FLT1: variants seen among roughly 807,000 people sequenced by gnomAD.
FLT1 encodes vascular endothelial growth factor receptor 1.
In FLT1, 49 loss-of-function variants were observed where a neutral mutation model predicts 156.3. The ratio of observed to expected loss-of-function variants is 0.31; its 90% CI spans 0.25 to 0.40. FLT1 has a LOEUF of 0.40. Ranked by LOEUF, FLT1 falls within the 10% of genes least tolerant of loss-of-function variation. The pLI is 1.00. For synonymous variants in FLT1, 594 were observed against 583.8 expected, an observed-to-expected ratio of 1.02 and a Z score of -0.25; for missense variants, 1,322 against 1,637.2, an observed-to-expected ratio of 0.81 and a Z score of 3.32.
intron 1 of FLT1, among the ~76,000 whole-genome samples, chr13:28,474,507 C>CACACACACAG (rs1555245769): frequency 1.3e-4 from 19 of 150,594 alleles, no homozygotes; most frequent in African/African-American, 4.5e-4. Context: ...CACACACACA[C>CACACACACAG]ACACACACAC....
intron 14 of FLT1, among the ~76,000 whole-genome samples, chr13:28,382,610 A>T (rs1874125077): frequency 6.6e-6 from 1 of 152,158 alleles, no homozygotes; most frequent in Non-Finnish European, 1.5e-5. Flanking sequence ...GAGACCACTG[A>T]AGGTGTTCAG....
chr13:28,419,873 C>T (rs1282481030), intron 10 of FLT1, among the ~76,000 whole-genome samples: 1 of 152,096 alleles, frequency 6.6e-6, no homozygotes, highest in Admixed American at 6.5e-5. Flanking sequence ...AGCAAGACTC[C>T]GTCTCAAAAC....
In FLT1 at chr13:28,453,294, T is replaced by C. The variant is rs564021624; in HGVS notation, c.388+13609A>G. 1.0e-3 allele frequency among the ~76,000 whole-genome samples: 157 copies of C among 151,760 alleles called. 2 individuals carry two copies. The highest frequency in any genetic ancestry group is 3.6e-3 in the African/African-American group (149 of 41,348). ...ATGTGCCACCACACCGGGCTAATTT[T>C]GTATTTTTAGTAGAGATGGGGTTTC... On this transcript the variant is annotated intron_variant, in intron 3 of 29. Coordinates refer to ENST00000282397, the MANE Select transcript of FLT1 (RefSeq NM_002019.4).
chr13:28,376,643 T>A (rs2137436546), intron 14 of FLT1, among the ~76,000 whole-genome samples: 1 of 152,346 alleles, frequency 6.6e-6, no homozygotes, highest in South Asian at 2.1e-4. Flanking sequence ...CCATATATTC[T>A]TGGCCAACTT....
intron 17 of FLT1, 34 bp from the exon 18 acceptor site, chr13:28,334,163 G>A (rs376285032): frequency 4.7e-5 from 64 of 1,373,684 alleles, no homozygotes; most frequent in South Asian, 2.4e-4. Flanking sequence ...TTTGTTTGCC[G>A]AGGCAATAGG....
Position 28,329,639 on chromosome 13 carries a change from G to A in FLT1, c.2683C>T (p.Leu895=), listed in dbSNP as rs1402467100. 2 of 1,613,854 alleles carry A rather than the reference G, an allele frequency of 1.2e-6. No homozygotes were observed. Among genetic ancestry groups the A allele is most frequent in the Non-Finnish European group, 1.7e-6 (2 of 1,179,828 alleles). ...IGHHLNVVNL[L]GACTKQGGPL... is the part of the protein sequence containing the mutation. Reference sequence around the variant, plus strand: ...CCTCCTTGCTTGGTGCAGGCTCCCAGCAGGTTAACCACGTTCAGATGGTGG... The same window carrying A: ...CCTCCTTGCTTGGTGCAGGCTCCCAACAGGTTAACCACGTTCAGATGGTGG... Residue 895 remains leucine (L), a synonymous_variant, in exon 19 of 30, where the codon CTG becomes TTG. Transcript: ENST00000282397.
At chr13:28,318,600 C>T (rs1320528302) in intron 24 of FLT1, among the ~76,000 whole-genome samples, 1 of 152,222 alleles carries the variant, frequency 6.6e-6, no homozygotes, top group Non-Finnish European at 1.5e-5. Flanking sequence ...ACCACTGCAG[C>T]CGCCAAGCTG....
chr13:28,388,703 T>C, intron 13 of FLT1: 1 of 1,057,242 alleles, frequency 9.5e-7, no homozygotes, highest in Non-Finnish European at 1.1e-6. Flanking sequence ...ATGGGGAAAG[T>C]GGACTTTTTT....
chr13:28,397,407 A>G (rs543697799), intron 11 of FLT1, among the ~76,000 whole-genome samples: 95 of 152,200 alleles, frequency 6.2e-4, no homozygotes, highest in Non-Finnish European at 1.2e-3. Context: ...TTCCACATCA[A>G]TGAGAGGAAC....
intron 20 of FLT1, among the ~76,000 whole-genome samples, chr13:28,324,183 A>G (rs1003888650): frequency 6.6e-6 from 1 of 152,228 alleles, no homozygotes; most frequent in Admixed American, 6.5e-5. Flanking sequence ...TCTAAAACCT[A>G]GCACTTTCAG....
intron 10 of FLT1, among the ~76,000 whole-genome samples, chr13:28,408,365 A>G (rs2137498725): frequency 6.6e-6 from 1 of 152,348 alleles, no homozygotes; most frequent in East Asian, 1.9e-4. Context: ...TGGAAACTAT[A>G]GGCCAGACTT....
intron 14 of FLT1, chr13:28,368,421 G>A: frequency 6.9e-7 from 1 of 1,447,566 alleles, no homozygotes; most frequent in Non-Finnish European, 9.1e-7. Context: ...CAAAGTGCTG[G>A]GATTACAGGC....
intron 14 of FLT1, among the ~76,000 whole-genome samples, chr13:28,372,937 C>T (rs988808513): frequency 2.6e-5 from 4 of 151,376 alleles, no homozygotes; most frequent in African/African-American, 9.7e-5. Context: ...AACTGTAGCC[C>T]TTTTTACCTC....
chr13:28,356,180 C>G (rs903537558), intron 15 of FLT1, among the ~76,000 whole-genome samples: 1 of 152,152 alleles, frequency 6.6e-6, no homozygotes, highest in Non-Finnish European at 1.5e-5. Flanking sequence ...GTTCAGACCT[C>G]TCTGGAGGTT....
Position 28,405,776 on chromosome 13 carries a change from A to T in FLT1, c.1551+4T>A. On this transcript the variant is annotated splice_donor_region_variant and intron_variant, in intron 11 of 29. Transcript: ENST00000282397. ...ATCCCAGTGCGCATTTTTACAAACAATACCTTATTCTTTCCTTCTATTATT... is the reference window on the plus strand; with the variant it reads ...ATCCCAGTGCGCATTTTTACAAACATTACCTTATTCTTTCCTTCTATTATT... 1 of 1,488,274 alleles carries T rather than the reference A, an allele frequency of 6.7e-7. No homozygotes were observed. Among genetic ancestry groups the T allele is most frequent in the Non-Finnish European group, 9.4e-7 (1 of 1,065,838 alleles). The allele number at this position is 1,488,274 out of a possible 1,614,324, so 92.2% of individuals were successfully genotyped here. A position where few individuals can be genotyped will look rare whatever the true frequency, so the allele number is the denominator to read the frequency against.
At chr13:28,474,814 A>G (rs1378075153) in intron 1 of FLT1, among the ~76,000 whole-genome samples, 2 of 152,142 alleles carry the variant, frequency 1.3e-5, no homozygotes, top group Non-Finnish European at 2.9e-5. Flanking sequence ...TGTCTCTTAC[A>G]GTCATATTTT....
At chr13:28,382,278 G>A (rs542097594) in intron 14 of FLT1, among the ~76,000 whole-genome samples, 1 of 152,320 alleles carries the variant, frequency 6.6e-6, no homozygotes, top group East Asian at 1.9e-4. Context: ...AGGTACTCCA[G>A]GCGGAGAGTA....
At chr13:28,394,384 G>C (rs2137467915) in intron 12 of FLT1, among the ~76,000 whole-genome samples, 1 of 152,250 alleles carries the variant, frequency 6.6e-6, no homozygotes, top group East Asian at 1.9e-4. Flanking sequence ...GGATCTAGAA[G>C]AGGTTTCCAC....
At chr13:28,407,693 A>G (rs2137497414) in intron 10 of FLT1, among the ~76,000 whole-genome samples, 1 of 152,372 alleles carries the variant, frequency 6.6e-6, no homozygotes, top group Admixed American at 6.5e-5. Context: ...AAAGGTGACC[A>G]TTCCTCAAGG....
Sources: allele counts gnomAD v4.1 joint callset (sites outside exome capture counted in the v4.1 genomes callset), GRCh38; gene constraint gnomAD v4.1.1; transcripts MANE v1.5; gene names NCBI Gene and HGNC (gene_info 2026-07-23, HGNC 2026-07-21).